GCM1: variants seen among roughly 807,000 people sequenced by gnomAD.
GCM1 encodes the protein GCM transcription factor 1.
GCM1 carries 2 observed loss-of-function variants against 25.7 expected under a neutral mutation model. The ratio of observed to expected loss-of-function variants is 0.08; its 90% CI spans 0.03 to 0.24. GCM1 has a LOEUF of 0.24. GCM1 is among the 10% of genes least tolerant of loss of function. GCM1 has a pLI of 1.00. For synonymous variants in GCM1, 183 were observed against 195.7 expected (o/e 0.94, Z 0.54); for missense variants, 395 against 538.7 (o/e 0.73, Z 2.64).
At chr6:53,142,459 C>T (rs1465395356) in intron 2 of GCM1, among the ~76,000 whole-genome samples, 1 of 152,190 alleles carries the variant, frequency 6.6e-6, no homozygotes, top group Non-Finnish European at 1.5e-5. Context: ...ATCTGTTTAT[C>T]CTTGTTGAAC....
chr6:53,142,922 C>A lies in GCM1; in HGVS notation c.75+2636G>T, dbSNP rs963275807. 5.5e-5 allele frequency among the ~76,000 whole-genome samples: 6 copies of A among 109,508 alleles called. No individual in the cohort carries two copies. The East Asian group carries it at 1.3e-3, about 24-fold the overall frequency. 71.8% of individuals were successfully genotyped at this position (109,508 alleles called of 152,430 possible). On this transcript the variant is annotated intron_variant, in intron 2 of 5. Transcript: ENST00000259803. ...AAAAAAAGGAGATGGAACTAGAATT[C>A]AAATCTGGGGCATTTTTCTCCAAGT...
chr6:53,129,617 A>C (rs566236926), intron 5 of GCM1, among the ~76,000 whole-genome samples: 1 of 152,302 alleles, frequency 6.6e-6, no homozygotes, highest in South Asian at 2.1e-4. Context: ...TATTTACAAA[A>C]TATCAAAGTA....
At chr6:53,147,436 T>A (rs867032754) in intron 1 of GCM1, among the ~76,000 whole-genome samples, 16,597 of 148,404 alleles carry the variant, frequency 0.11, 2,181 homozygotes, top group African/African-American at 0.31. Context: ...TTTTTTTTTT[T>A]TTTTTTTTTT....
intron 3 of GCM1, among the ~76,000 whole-genome samples, chr6:53,133,120 C>T (rs1173714262): frequency 6.6e-6 from 1 of 152,188 alleles, no homozygotes; most frequent in Non-Finnish European, 1.5e-5. Context: ...CTACTTTCTT[C>T]TAAATTTTAC....
At chr6:53,136,172 T>G (rs1217187933) in intron 2 of GCM1, among the ~76,000 whole-genome samples, 1 of 152,260 alleles carries the variant, frequency 6.6e-6, no homozygotes, top group East Asian at 1.9e-4. Flanking sequence ...ATGGGCCAAA[T>G]CCTGCCCATT....
At chr6:53,141,769 C>G (rs774444880) in intron 2 of GCM1, among the ~76,000 whole-genome samples, 3 of 151,124 alleles carry the variant, frequency 2.0e-5, no homozygotes, top group Non-Finnish European at 4.4e-5. Context: ...TTTGGGAGGC[C>G]AAGGTGGGCA....
At chr6:53,144,707 G>A (rs1230993869) in intron 2 of GCM1, among the ~76,000 whole-genome samples, 1 of 152,000 alleles carries the variant, frequency 6.6e-6, no homozygotes, top group African/African-American at 2.4e-5. Context: ...TTGAGCCCAG[G>A]AGTTCAAGAC....
At chr6:53,131,674 C>G (rs765972858) in intron 4 of GCM1, among the ~76,000 whole-genome samples, 11 of 152,084 alleles carry the variant, frequency 7.2e-5, no homozygotes, top group African/African-American at 2.7e-4. Context: ...GTTTAAAGAC[C>G]GAGTAAAAAG....
Position 53,128,306 on chromosome 6 carries a change from G to A in GCM1, c.1211C>T (p.Pro404Leu), listed in dbSNP as rs200632700. Residue 404 changes from proline (P) to leucine (L), a missense_variant, in exon 6 of 6, where the codon CCA (proline) becomes CTA (leucine). By Grantham distance (98) the Pro-to-Leu change is moderately conservative (BLOSUM62 -3). Coordinates refer to ENST00000259803, the MANE Select transcript of GCM1 (RefSeq NM_003643.4). ...AAAATCCCATTTGCTGCTCTTGCTT[G>A]GCAGTGAATATTGCTGATGAGGATG... ...ASHPHQQYSL[P>L]SKSSKWDFEE... 4.2e-5 allele frequency: 68 copies of A among 1,613,900 alleles called. No individual in the cohort carries two copies. The Middle Eastern group carries it at 2.8e-3, about 67-fold the overall frequency.
At chr6:53,141,153 C>G (rs1216798177) in intron 2 of GCM1, among the ~76,000 whole-genome samples, 1 of 152,208 alleles carries the variant, frequency 6.6e-6, no homozygotes, top group Non-Finnish European at 1.5e-5. Context: ...TCTTGTTCCA[C>G]TAGCCCAGAA....
intron 2 of GCM1, among the ~76,000 whole-genome samples, chr6:53,140,015 C>G (rs979990250): frequency 6.6e-6 from 1 of 152,144 alleles, no homozygotes; most frequent in African/African-American, 2.4e-5. Context: ...AAGGGACCTG[C>G]TGCAGGGTAC....
At chr6:53,144,464 T>C (rs527883160) in intron 2 of GCM1, among the ~76,000 whole-genome samples, 1 of 146,766 alleles carries the variant, frequency 6.8e-6, no homozygotes, top group Admixed American at 6.8e-5. Context: ...AAATGTGAAA[T>C]GAAGTCACTA....
intron 2 of GCM1, among the ~76,000 whole-genome samples, chr6:53,137,906 G>A (rs1420674118): frequency 6.6e-6 from 1 of 152,204 alleles, no homozygotes; most frequent in Non-Finnish European, 1.5e-5. Context: ...CTTGCCTGTA[G>A]AGGAAGAGAT....
chr6:53,146,005 A>G (rs975635939), intron 1 of GCM1, among the ~76,000 whole-genome samples: 1 of 151,998 alleles, frequency 6.6e-6, no homozygotes, highest in Admixed American at 6.6e-5. Context: ...TGCAAGATCC[A>G]GGTTGTGAAG....
At chr6:53,140,043 C>T (rs1763852475) in intron 2 of GCM1, among the ~76,000 whole-genome samples, 1 of 152,060 alleles carries the variant, frequency 6.6e-6, no homozygotes, top group Non-Finnish European at 1.5e-5. Flanking sequence ...TGCAATAATG[C>T]TCCTATCTGT....
At chr6:53,142,973 C>T (rs1165954649) in intron 2 of GCM1, among the ~76,000 whole-genome samples, 1 of 150,276 alleles carries the variant, frequency 6.7e-6, no homozygotes, top group Non-Finnish European at 1.5e-5. Flanking sequence ...ATACACCCCT[C>T]TGTCTCTGGA....
chr6:53,130,964 A>G, intron 4 of GCM1, 33 bp from the exon 5 acceptor site: 1 of 1,583,894 alleles, frequency 6.3e-7, no homozygotes, highest in South Asian at 1.1e-5. Flanking sequence ...AAAGGAAATG[A>G]TATAACACTA....
At chr6:53,135,259 CATGGTTAAG>C (rs978971112) in intron 2 of GCM1, among the ~76,000 whole-genome samples, 2 of 152,172 alleles carry the variant, frequency 1.3e-5, no homozygotes, top group Non-Finnish European at 2.9e-5. Flanking sequence ...TGCACTTAAA[CATGGTTAAG>C]ATGGTAAATT....
chr6:53,140,734 G>C (rs1230892932), intron 2 of GCM1, among the ~76,000 whole-genome samples: 3 of 152,066 alleles, frequency 2.0e-5, no homozygotes, highest in Non-Finnish European at 4.4e-5. Context: ...TTCTCCTCTT[G>C]CTAGTGAAAT....
Sources: gnomAD v4.1 joint callset for allele counts (sites outside exome capture counted in the v4.1 genomes callset) on GRCh38, gnomAD v4.1.1 for gene constraint, MANE v1.5 for transcripts, NCBI Gene and HGNC (gene_info 2026-07-23, HGNC 2026-07-21) for gene names.